The following PCDHGA12 variants were observed in gnomAD, a reference collection of about 807,000 sequenced individuals.
The protein encoded by PCDHGA12 is protocadherin gamma subfamily A, 12, also known as protocadherin gamma-A12.
A neutral mutation model predicts 61.1 loss-of-function variants in PCDHGA12; 43 were observed. The ratio of observed to expected loss-of-function variants is 0.70; its 90% confidence interval spans 0.55 to 0.91. The LOEUF (loss-of-function observed/expected upper bound fraction) is 0.91. PCDHGA12 is among the 40% of genes least tolerant of loss of function. PCDHGA12 has a pLI of 0.00. For synonymous variants in PCDHGA12, 520 were observed against 542.9 expected, an observed-to-expected ratio of 0.96 and a Z score of 0.59; for missense variants, 1,236 against 1,227.7, an observed-to-expected ratio of 1.01 and a Z score of -0.10.
intron 1 of PCDHGA12, among the ~76,000 whole-genome samples, chr5:141,452,276 C>A (rs1160292593): frequency 2.6e-5 from 4 of 152,172 alleles, no homozygotes; most frequent in Admixed American, 6.5e-5. Flanking sequence ...TGAACCCTTT[C>A]TTACTTTCTG....
intron 2 of PCDHGA12, among the ~76,000 whole-genome samples, chr5:141,503,954 C>T (rs2099834393): frequency 6.6e-6 from 1 of 152,186 alleles, no homozygotes; most frequent in Non-Finnish European, 1.5e-5. Flanking sequence ...GCCTACCCTA[C>T]AGCCTTTCCC....
Position 141,476,162 on chromosome 5 carries a change from G to A in PCDHGA12, c.2425-18645G>A. 6.2e-7 allele frequency: 1 copy of A among 1,613,038 alleles called. No homozygotes were observed. Among genetic ancestry groups the A allele is most frequent in the South Asian group, 1.1e-5 (1 of 91,040 alleles). Reference sequence around the variant, plus strand: ...GAGCGGACTGGTAAGCACCGGGAGGGTAGTGGGAGTTTTGCTTCTGCTTGG... The same window carrying A: ...GAGCGGACTGGTAAGCACCGGGAGGATAGTGGGAGTTTTGCTTCTGCTTGG... On this transcript the variant is annotated intron_variant, in intron 1 of 3. Coordinates refer to ENST00000252085, the MANE Select transcript of PCDHGA12 (RefSeq NM_003735.3). The surrounding 1 kb of genome is among the most constrained non-coding windows in gnomAD (Gnocchi z 7.6).
At position 141,485,301 on chromosome 5, in the gene PCDHGA12, C is replaced by T; in HGVS notation, c.2425-9506C>T. 1 of 1,614,124 alleles carries T rather than the reference C, an allele frequency of 6.2e-7. No homozygotes were observed. The highest frequency in any genetic ancestry group is 1.1e-5 in the South Asian group (1 of 91,082). The stretch of plus-strand genomic sequence containing the variant: ...GTCCCAGAGGAGTCACAGGAAGGGA[C>T]TTTTGTAGGGAATGTCGCTCAAGAT... On this transcript the variant is annotated intron_variant, in intron 1 of 3. Coordinates refer to ENST00000252085, the MANE Select transcript of PCDHGA12 (RefSeq NM_003735.3). This position sits in a 1 kb window ranked among gnomAD's most constrained non-coding sequence, Gnocchi z 5.7.
At chr5:141,437,659 C>T (rs1006268414) in intron 1 of PCDHGA12, among the ~76,000 whole-genome samples, 10 of 151,870 alleles carry the variant, frequency 6.6e-5, no homozygotes, top group East Asian at 3.9e-4. Context: ...CACATAGTTT[C>T]GAAGAGATGT....
At position 141,477,197 on chromosome 5, in the gene PCDHGA12, G is replaced by A. The variant is rs781504885; in HGVS notation, c.2425-17610G>A. ...CACAGTCACCTCCGTGTACAGCCCA[G>A]TACCCGAGGATGCCCCTCTGGGGAC... On this transcript the variant is annotated intron_variant, in intron 1 of 3. Coordinates refer to ENST00000252085, the MANE Select transcript of PCDHGA12 (RefSeq NM_003735.3). The surrounding 1 kb of genome is among the most constrained non-coding windows in gnomAD (Gnocchi z 4.9). 1 of 1,614,210 alleles carries A rather than the reference G, an allele frequency of 6.2e-7. No homozygotes were observed. Among genetic ancestry groups the A allele is most frequent in the East Asian group, 2.2e-5 (1 of 44,874 alleles).
intron 1 of PCDHGA12, among the ~76,000 whole-genome samples, chr5:141,460,951 G>GTATA (rs200454978): frequency 7.9e-5 from 11 of 139,774 alleles, no homozygotes; most frequent in Middle Eastern, 3.7e-3. Context: ...TATGTATTAT[G>GTATA]TATATATATA....
In PCDHGA12 at chr5:141,486,727, T is replaced by C; in HGVS notation, c.2425-8080T>C. ...TGAACCCCCAGACAGGAGCTGTTCA[T>C]GCTACTCGATCCTTTGACTATGAGC... On this transcript the variant is annotated intron_variant, in intron 1 of 3. Transcript: ENST00000252085. The surrounding 1 kb of genome is among the most constrained non-coding windows in gnomAD (Gnocchi z 5.0). 6.2e-7 allele frequency: 1 copy of C among 1,614,232 alleles called. No homozygotes were observed. Among genetic ancestry groups the C allele is most frequent in the Non-Finnish European group, 8.5e-7 (1 of 1,180,044 alleles).
Position 141,462,050 on chromosome 5 carries a change from C to T in PCDHGA12, c.2424+28867C>T, listed in dbSNP as rs146056741. On this transcript the variant is annotated intron_variant, in intron 1 of 3. Coordinates refer to ENST00000252085, the MANE Select transcript of PCDHGA12 (RefSeq NM_003735.3). ...GTTGGTCAGGCGGGTCTTGAACTCC[C>T]GACCTCAGGTGATCTGCCCGCCTTG... is the stretch of plus-strand genomic sequence containing the variant. 5.5e-3 allele frequency among the ~76,000 whole-genome samples: 830 copies of T among 151,978 alleles called. 23 individuals are homozygous for T. The East Asian group carries it at 0.095, about 17-fold the overall frequency.
At position 141,477,910 on chromosome 5, in the gene PCDHGA12, G is replaced by C. The variant is rs766164142; in HGVS notation, c.2425-16897G>C. ...TGTCACGGGTGGTAGGCTGGGACGC[G>C]GATGCAGGGCACAATGCCTGGCTCT... On this transcript the variant is annotated intron_variant, in intron 1 of 3. Coordinates refer to ENST00000252085, the MANE Select transcript of PCDHGA12 (RefSeq NM_003735.3). This position sits in a 1 kb window ranked among gnomAD's most constrained non-coding sequence, Gnocchi z 4.9. 3 of 1,614,168 alleles carry C rather than the reference G, an allele frequency of 1.9e-6. No homozygotes were observed. Among genetic ancestry groups the C allele is most frequent in the Non-Finnish European group, 2.5e-6 (3 of 1,180,032 alleles).
intron 1 of PCDHGA12, among the ~76,000 whole-genome samples, chr5:141,445,923 T>C (rs1169404585): frequency 6.6e-6 from 1 of 152,200 alleles, no homozygotes; most frequent in Non-Finnish European, 1.5e-5. Context: ...AGTGACAAGA[T>C]ATTTGAATTA....
chr5:141,494,613 G>A (rs2099755672), intron 1 of PCDHGA12, among the ~76,000 whole-genome samples, 194 bp from the exon 2 acceptor site: 1 of 152,136 alleles, frequency 6.6e-6, no homozygotes, highest in Non-Finnish European at 1.5e-5. Context: ...TTATCTCTTG[G>A]TTTCTGGTAC....
intron 1 of PCDHGA12, among the ~76,000 whole-genome samples, chr5:141,466,387 A>G (rs1312030857): frequency 1.3e-5 from 2 of 152,108 alleles, no homozygotes; most frequent in Non-Finnish European, 2.9e-5. Flanking sequence ...CATCTAATGG[A>G]AAGTTTGCTC....
intron 1 of PCDHGA12, among the ~76,000 whole-genome samples, chr5:141,436,243 TA>T (rs1428637183): frequency 6.6e-6 from 1 of 152,154 alleles, no homozygotes; most frequent in Non-Finnish European, 1.5e-5. Context: ...TAACATGGTC[TA>T]ATTATTCTGA....
At chr5:141,462,121 T>A (rs977258025) in intron 1 of PCDHGA12, among the ~76,000 whole-genome samples, 2 of 151,730 alleles carry the variant, frequency 1.3e-5, no homozygotes, top group Non-Finnish European at 2.9e-5. Context: ...CTGCACCCAG[T>A]CCAATTTTTT....
Sources: gnomAD v4.1 joint callset for allele counts (sites outside exome capture counted in the v4.1 genomes callset) on GRCh38, gnomAD v4.1.1 for gene constraint, Gnocchi (gnomAD v3.1) non-coding constraint, MANE v1.5 for transcripts, NCBI Gene and HGNC (gene_info 2026-07-23, HGNC 2026-07-21) for gene names.